The following PCDHGA1 variants were observed in gnomAD, a reference collection of about 807,000 sequenced individuals.
PCDHGA1 encodes protocadherin gamma-A1.
In PCDHGA1, 32 loss-of-function variants were observed where a neutral mutation model predicts 58.0. The ratio of observed to expected loss-of-function variants is 0.55; its 90% CI spans 0.42 to 0.74. The LOEUF is 0.74. Ranked by LOEUF, PCDHGA1 falls within the 30% of genes least tolerant of loss-of-function variation. The probability of loss-of-function intolerance (pLI) is 0.00; values close to 1 mark genes in which losing one functional copy is unlikely to be tolerated. For synonymous variants in PCDHGA1, 498 were observed against 501.1 expected, an observed-to-expected ratio of 0.99 and a Z score of 0.08; for missense variants, 1,205 against 1,182.3, an observed-to-expected ratio of 1.02 and a Z score of -0.28.
At chr5:141,501,691 G>C (rs910322085) in intron 2 of PCDHGA1, among the ~76,000 whole-genome samples, 1 of 152,092 alleles carries the variant, frequency 6.6e-6, no homozygotes, top group Non-Finnish European at 1.5e-5. Context: ...CTTATCTGCA[G>C]GGTGATTCCG....
chr5:141,376,250 C>A, intron 1 of PCDHGA1: 1 of 1,614,246 alleles, frequency 6.2e-7, no homozygotes, highest in Non-Finnish European at 8.5e-7. Flanking sequence ...GCACAAGTCA[C>A]GCCTGCTGCA....
chr5:141,489,257 T>C lies in PCDHGA1; in HGVS notation c.2422-5550T>C, dbSNP rs2099684606. 5.8e-6 allele frequency: 9 copies of C among 1,550,190 alleles called. No homozygotes were observed. The highest frequency in any genetic ancestry group is 1.4e-5 in the African/African-American group (1 of 73,054). On this transcript the variant is annotated intron_variant, in intron 1 of 3. Transcript: ENST00000517417. This position sits in a 1 kb window ranked among gnomAD's most constrained non-coding sequence, Gnocchi z 4.5. Reference sequence around the variant, plus strand: ...TTCTGGGTCATGGGGCCCAAGACACTCCCACAGCTCGCTGGGAAATGGCAA... The same window carrying C: ...TTCTGGGTCATGGGGCCCAAGACACCCCCACAGCTCGCTGGGAAATGGCAA...
chr5:141,446,398 G>A (rs1379233102), intron 1 of PCDHGA1, among the ~76,000 whole-genome samples: 2 of 152,128 alleles, frequency 1.3e-5, no homozygotes, highest in African/African-American at 2.4e-5. Context: ...AAGAGAAATC[G>A]AGTTGAGTTC....
At chr5:141,496,928 G>A (rs2099772685) in intron 2 of PCDHGA1, among the ~76,000 whole-genome samples, 1 of 151,334 alleles carries the variant, frequency 6.6e-6, no homozygotes, top group Non-Finnish European at 1.5e-5. Context: ...GTTCACGCCT[G>A]TAATCCCAGC....
At chr5:141,375,072 G>A in intron 1 of PCDHGA1, 8 of 1,614,044 alleles carry the variant, frequency 5.0e-6, no homozygotes, top group Non-Finnish European at 6.8e-6. Flanking sequence ...CTTCGAGACA[G>A]AGCGAAAGTC....
intron 1 of PCDHGA1, chr5:141,375,266 G>C: frequency 6.2e-7 from 1 of 1,613,846 alleles, no homozygotes. Flanking sequence ...ATTTGAATTG[G>C]AAAAATCAGT....
chr5:141,480,217 G>A (rs1443825272), intron 1 of PCDHGA1, among the ~76,000 whole-genome samples: 2 of 147,950 alleles, frequency 1.4e-5, no homozygotes, highest in Non-Finnish European at 3.0e-5. Context: ...CAGCCTGAGC[G>A]ACATAGTGAG....
intron 1 of PCDHGA1, among the ~76,000 whole-genome samples, chr5:141,469,909 C>G (rs760329158): frequency 2.0e-5 from 3 of 152,120 alleles, no homozygotes; most frequent in Non-Finnish European, 2.9e-5. Context: ...GGCAGGCAGA[C>G]CACCCGAGGT....
chr5:141,396,595 G>C (rs1227428439), intron 1 of PCDHGA1: 1 of 151,972 alleles, frequency 6.6e-6, no homozygotes, highest in African/African-American at 2.4e-5. Flanking sequence ...ACTCCAGCCT[G>C]GGCAACAGGG....
chr5:141,346,278 T>C (rs1199297645), intron 1 of PCDHGA1: 1 of 1,614,198 alleles, frequency 6.2e-7, no homozygotes, highest in South Asian at 1.1e-5. Flanking sequence ...GGTTCGGGCT[T>C]TCCTGCAGAC....
Position 141,510,866 on chromosome 5 carries a change from C to G in PCDHGA1, c.2570-81C>G. 1.9e-6 allele frequency: 3 copies of G among 1,607,908 alleles called. No homozygotes were observed. The East Asian group carries it at 6.7e-5, about 36-fold the overall frequency. ...AGGCCCAGGGTGCTGTATAGGCATT[C>G]ATTAACTGCTGGGGATATAAGACAG... On this transcript the variant is annotated intron_variant, in intron 3 of 3. Coordinates refer to ENST00000517417, the MANE Select transcript of PCDHGA1 (RefSeq NM_018912.3).
chr5:141,486,734 C>G lies in PCDHGA1; in HGVS notation c.2422-8073C>G, dbSNP rs2099634292. On this transcript the variant is annotated intron_variant, in intron 1 of 3. Transcript: ENST00000517417. This position sits in a 1 kb window ranked among gnomAD's most constrained non-coding sequence, Gnocchi z 5.0. ...CCAGACAGGAGCTGTTCATGCTACT[C>G]GATCCTTTGACTATGAGCAAACCCA... 6.2e-7 allele frequency: 1 copy of G among 1,614,070 alleles called. No individual in the cohort carries two copies. The highest frequency in any genetic ancestry group is 1.7e-5 in the Admixed American group (1 of 60,000).
In PCDHGA1 at chr5:141,476,141, G is replaced by A. The variant is rs1011341002; in HGVS notation, c.2422-18666G>A. On this transcript the variant is annotated intron_variant, in intron 1 of 3. Coordinates refer to ENST00000517417, the MANE Select transcript of PCDHGA1 (RefSeq NM_018912.3). This position sits in a 1 kb window ranked among gnomAD's most constrained non-coding sequence, Gnocchi z 7.6. ...GATGGTCCCAGAGGCCTGGAGGAGCGGACTGGTAAGCACCGGGAGGGTAGT... is the reference window on the plus strand; with the variant it reads ...GATGGTCCCAGAGGCCTGGAGGAGCAGACTGGTAAGCACCGGGAGGGTAGT... 5.6e-6 allele frequency: 9 copies of A among 1,609,928 alleles called. No homozygotes were observed. Among genetic ancestry groups the A allele is most frequent in the Non-Finnish European group, 7.6e-6 (9 of 1,178,880 alleles).
rs764692908 is a variant in PCDHGA1 at position 141,431,246 on chromosome 5, G to C, written c.2422-63561G>C. On this transcript the variant is annotated intron_variant, in intron 1 of 3. Coordinates refer to ENST00000517417, the MANE Select transcript of PCDHGA1 (RefSeq NM_018912.3). The surrounding 1 kb of genome is among the most constrained non-coding windows in gnomAD (Gnocchi z 4.8). ...ACCCCACGCCTGGGATCCGGATATC[G>C]GGAAGAACTCTCTGCAGAGCTACGA... 9 of 1,613,982 alleles carry C rather than the reference G, an allele frequency of 5.6e-6. No individual in the cohort carries two copies. Among genetic ancestry groups the C allele is most frequent in the Non-Finnish European group, 7.6e-6 (9 of 1,180,050 alleles).
intron 1 of PCDHGA1, chr5:141,408,971 C>A: frequency 6.2e-7 from 1 of 1,613,816 alleles, no homozygotes; most frequent in Non-Finnish European, 8.5e-7. Context: ...AAATCTGCCC[C>A]CTGGGTCCCC....
chr5:141,392,830 G>A lies in PCDHGA1; in HGVS notation c.2421+59725G>A, dbSNP rs747812941. ...AAAACAACAATGGCCGCTCCACAGA[G>A]TCGCCCCAGACGCGGCGAGCTGATC... On this transcript the variant is annotated intron_variant, in intron 1 of 3. Transcript: ENST00000517417. The A allele has an allele frequency of 1.6e-5, 26 of 1,604,568 alleles. No individual in the cohort carries two copies. Among genetic ancestry groups the A allele is most frequent in the Non-Finnish European group, 2.0e-5 (24 of 1,175,404 alleles).
chr5:141,392,883 T>C, intron 1 of PCDHGA1: 1 of 1,613,518 alleles, frequency 6.2e-7, no homozygotes, highest in Non-Finnish European at 8.5e-7. Flanking sequence ...GGGAACGCTG[T>C]GGGAAATCGG....
At chr5:141,410,235 G>T (rs753193390) in intron 1 of PCDHGA1, 1 of 1,613,852 alleles carries the variant, frequency 6.2e-7, no homozygotes, top group Non-Finnish European at 8.5e-7. Context: ...CTCAGCGACC[G>T]CCCTGTACTC....
At chr5:141,421,587 G>T (rs758433133) in intron 1 of PCDHGA1, 6 of 1,613,900 alleles carry the variant, frequency 3.7e-6, no homozygotes, top group Non-Finnish European at 4.2e-6. Flanking sequence ...TTTACGGAGT[G>T]GAGGTGGAAA....
Sources: gnomAD v4.1 joint callset for allele counts (sites outside exome capture counted in the v4.1 genomes callset) on GRCh38, gnomAD v4.1.1 for gene constraint, Gnocchi (gnomAD v3.1) non-coding constraint, MANE v1.5 for transcripts, NCBI Gene and HGNC (gene_info 2026-07-23, HGNC 2026-07-21) for gene names.